Variants in SLC14A2 observed in about 807,000 individuals in gnomAD.
SLC14A2 encodes the protein urea transporter 2.
A neutral mutation model predicts 104.6 loss-of-function variants in SLC14A2; 91 were observed. The observed-to-expected ratio is 0.87, with a 90% CI of 0.73 to 1.04. The LOEUF (loss-of-function observed/expected upper bound fraction) is 1.04. Among genes scored for constraint, SLC14A2 ranks in the 50% least tolerant of loss-of-function variants. The pLI, the probability that SLC14A2 is intolerant of heterozygous loss-of-function variation, is 0.00. For missense variants in SLC14A2, 1,189 were observed against 1,156.0 expected (o/e 1.03, Z -0.41); for synonymous variants, 476 against 466.4 (o/e 1.02, Z -0.27).
intron 1 of SLC14A2, among the ~76,000 whole-genome samples, chr18:45,318,164 C>T (rs1323424036): frequency 1.2e-4 from 19 of 152,180 alleles, no homozygotes; most frequent in Admixed American, 1.2e-3. Flanking sequence ...GAGTGGGAGG[C>T]AGCTGGCTCC....
At chr18:45,505,676 C>T (rs1391979119) in intron 2 of SLC14A2, among the ~76,000 whole-genome samples, 4 of 152,306 alleles carry the variant, frequency 2.6e-5, no homozygotes, top group South Asian at 4.2e-4. Context: ...GTCCTCGGCC[C>T]CCCGAGCACC....
chr18:45,425,692 C>T (rs930410494), intron 1 of SLC14A2, among the ~76,000 whole-genome samples: 2 of 152,136 alleles, frequency 1.3e-5, no homozygotes, highest in South Asian at 2.1e-4. Context: ...CTTCTAGTAA[C>T]GTGGTCTCTC....
chr18:45,376,178 T>C (rs946384480), intron 1 of SLC14A2, among the ~76,000 whole-genome samples: 6 of 152,194 alleles, frequency 3.9e-5, no homozygotes, highest in Non-Finnish European at 8.8e-5. Context: ...TAAAATTCAA[T>C]TAATAGCATC....
chr18:45,211,528 C>G (rs1361709853), upstream of SLC14A2, among the ~76,000 whole-genome samples: 1 of 152,000 alleles, frequency 6.6e-6, no homozygotes, highest in African/African-American at 2.4e-5. Context: ...TTGATCTCTC[C>G]ACCATTCTAC....
intron 1 of SLC14A2, among the ~76,000 whole-genome samples, chr18:45,453,319 A>T (rs1169148947): frequency 2.0e-5 from 3 of 152,188 alleles, no homozygotes; most frequent in Non-Finnish European, 1.5e-5. Context: ...TGAGAGCAGG[A>T]ACTAGGGCAA....
chr18:45,477,417 C>T (rs143294280), intron 1 of SLC14A2, among the ~76,000 whole-genome samples: 2,105 of 152,228 alleles, frequency 0.014, 34 homozygotes, highest in South Asian at 0.066. Context: ...AGGTGTCTGT[C>T]GACCCCTGCT....
intron 14 of SLC14A2, 31 bp downstream of exon 14, chr18:45,668,053 G>A (rs146635596): frequency 6.2e-7 from 1 of 1,603,012 alleles, no homozygotes; most frequent in East Asian, 2.2e-5. Flanking sequence ...GTCCAAACAT[G>A]TAGCCAAGAA....
chr18:45,220,642 A>C (rs2084052635), intron 1 of SLC14A2, among the ~76,000 whole-genome samples: 1 of 152,228 alleles, frequency 6.6e-6, no homozygotes, highest in African/African-American at 2.4e-5. Flanking sequence ...TGCTGAAGGC[A>C]TTTGACATCC....
At chr18:45,464,441 C>T (rs1449208574) in intron 1 of SLC14A2, among the ~76,000 whole-genome samples, 2 of 152,202 alleles carry the variant, frequency 1.3e-5, no homozygotes, top group Admixed American at 6.5e-5. Context: ...TGGTACCTAG[C>T]GTACTGTCAA....
chr18:45,497,962 T>C (rs2043128299), intron 2 of SLC14A2, among the ~76,000 whole-genome samples: 1 of 152,202 alleles, frequency 6.6e-6, no homozygotes, highest in Non-Finnish European at 1.5e-5. Flanking sequence ...GGGGAAAGCC[T>C]TTAGACAAGC....
intron 1 of SLC14A2, among the ~76,000 whole-genome samples, chr18:45,282,801 T>TTCCCTACCTCCC (rs1380050080): frequency 1.3e-5 from 2 of 152,082 alleles, no homozygotes; most frequent in Non-Finnish European, 2.9e-5. Flanking sequence ...AATTTATTTC[T>TTCCCTACCTCCC]TCCCTACCTC....
At chr18:45,424,961 A>G (rs537504757) in intron 1 of SLC14A2, among the ~76,000 whole-genome samples, 221 of 152,274 alleles carry the variant, frequency 1.5e-3, no homozygotes, top group African/African-American at 4.8e-3. Context: ...GAGATGGTGA[A>G]ACTGAAGAGA....
At chr18:45,596,350 C>T (rs376388768) in intron 2 of SLC14A2, among the ~76,000 whole-genome samples, 13 of 152,208 alleles carry the variant, frequency 8.5e-5, no homozygotes, top group East Asian at 5.8e-4. Flanking sequence ...AGCTAGAACA[C>T]GATCTTCATT....
In SLC14A2 at chr18:45,682,637, A is replaced by G. The variant is rs2046328192; in HGVS notation, c.*118A>G. 1 of 788,284 alleles carries G rather than the reference A, an allele frequency of 1.3e-6. No homozygotes were observed. Among genetic ancestry groups the G allele is most frequent in the Admixed American group, 2.0e-5 (1 of 50,000 alleles). 48.8% of individuals were successfully genotyped at this position (788,284 alleles called of 1,614,324 possible). On this transcript the variant is annotated 3_prime_UTR_variant, in exon 20 of 20. Coordinates refer to ENST00000255226, the MANE Select transcript of SLC14A2 (RefSeq NM_007163.4). ...CTGTTCTGTGACTCTCTCCCCAAAC[A>G]CAAAGAAGCGTGTATGTAGTCACCA...
chr18:45,206,395 A>G, the SLC14A2 span, among the ~76,000 whole-genome samples: 5 of 151,880 alleles, frequency 3.3e-5, no homozygotes, highest in African/African-American at 1.2e-4. Context: ...CCCTCCAGAA[A>G]TTTCAGTACA....
intron 1 of SLC14A2, among the ~76,000 whole-genome samples, chr18:45,290,571 G>A (rs1034075355): frequency 2.6e-5 from 4 of 152,164 alleles, no homozygotes; most frequent in African/African-American, 9.7e-5. Context: ...AACACAGTAG[G>A]TACCAGCCCC....
At chr18:45,389,875 A>G (rs923851182) in intron 1 of SLC14A2, among the ~76,000 whole-genome samples, 1 of 152,192 alleles carries the variant, frequency 6.6e-6, no homozygotes, top group Non-Finnish European at 1.5e-5. Context: ...ATTTTGATGG[A>G]TATCCAAACT....
the SLC14A2 span, among the ~76,000 whole-genome samples, chr18:45,170,359 T>C: frequency 6.6e-6 from 1 of 152,024 alleles, no homozygotes; most frequent in Non-Finnish European, 1.5e-5. Context: ...GAGTAATCTG[T>C]GGAAGGAGGT....
At chr18:45,639,580 G>T (rs1347904809) in intron 6 of SLC14A2, among the ~76,000 whole-genome samples, 166 bp from the exon 7 acceptor site, 1 of 152,154 alleles carries the variant, frequency 6.6e-6, no homozygotes, top group Non-Finnish European at 1.5e-5. Context: ...GTGAGGAGCT[G>T]TTTGTTCCAG....
Sources: gnomAD v4.1 joint callset for allele counts (sites outside exome capture counted in the v4.1 genomes callset) on GRCh38, gnomAD v4.1.1 for gene constraint, MANE v1.5 for transcripts, NCBI Gene and HGNC (gene_info 2026-07-23, HGNC 2026-07-21) for gene names.